The following TRIM50 variants were observed in gnomAD, a reference collection of about 807,000 sequenced individuals.
The protein encoded by TRIM50 is E3 ubiquitin-protein ligase TRIM50.
TRIM50 carries 34 observed loss-of-function variants against 44.9 expected under a neutral mutation model. The observed-to-expected ratio is 0.76, with a 90% CI of 0.58 to 1.01. The LOEUF is 1.01. Among genes scored for constraint, TRIM50 ranks in the 50% least tolerant of loss-of-function variants. The pLI is 0.00. For missense variants in TRIM50, 633 were observed against 663.7 expected, an observed-to-expected ratio of 0.95 and a Z score of 0.51; for synonymous variants, 307 against 291.1, an observed-to-expected ratio of 1.05 and a Z score of -0.56.
At chr7:73,327,559 AAAG>A (rs1804667740) in intron 1 of TRIM50, among the ~76,000 whole-genome samples, 1 of 152,208 alleles carries the variant, frequency 6.6e-6, no homozygotes, top group Non-Finnish European at 1.5e-5. Flanking sequence ...AGAGAAAGTG[AAAG>A]AAGGTGGAAG....
Position 73,312,670 on chromosome 7 carries a change from G to A in TRIM50, c.*251C>T. 1 of 503,460 alleles carries A rather than the reference G, an allele frequency of 2.0e-6. No homozygotes were observed. The highest frequency in any genetic ancestry group is 3.2e-5 in the East Asian group (1 of 31,286). 31.2% of individuals were successfully genotyped at this position (503,460 alleles called of 1,614,324 possible). A position where few individuals can be genotyped will look rare whatever the true frequency, so the allele number is the denominator to read the frequency against. ...GCGCAGATAGCATGGTTAGCAAGTG[G>A]CAGGAACCATGGGGATTTCAGTGTG... is the stretch of plus-strand genomic sequence containing the variant. On this transcript the variant is annotated 3_prime_UTR_variant, in exon 7 of 7. Coordinates refer to ENST00000333149, the MANE Select transcript of TRIM50 (RefSeq NM_178125.3).
At chr7:73,317,144 C>G (rs1413776761) in intron 5 of TRIM50, among the ~76,000 whole-genome samples, 1 of 151,794 alleles carries the variant, frequency 6.6e-6, no homozygotes, top group African/African-American at 2.4e-5. Flanking sequence ...GCCTCAACCC[C>G]CTGGGCTCAA....
In TRIM50 at chr7:73,313,115, C is replaced by T. The variant is rs147515596; in HGVS notation, c.1270G>A (p.Glu424Lys). The T allele has an allele frequency of 5.0e-6, 8 of 1,593,392 alleles. No individual in the cohort carries two copies. Among genetic ancestry groups the T allele is most frequent in the African/African-American group, 1.3e-5 (1 of 74,648 alleles). ...IGLYLHYEQGELTFFDADRPD... is the reference protein window; with the variant it reads ...IGLYLHYEQGKLTFFDADRPD... ...CGGTCGGCATCGAAGAAGGTGAGTT[C>T]GCCCTGCTCATAGTGCAGGTAGAGC... is the stretch of plus-strand genomic sequence containing the variant. The change falls in exon 7 of 7, where the codon GAA becomes AAA. Residue 424 changes from glutamate to lysine, a missense_variant. Transcript: ENST00000333149. This position sits in a 1 kb window ranked among gnomAD's most constrained non-coding sequence, Gnocchi z 4.9.
Position 73,313,690 on chromosome 7 carries a change from A to ATGAG in TRIM50, c.875-181_875-180insCTCA, listed in dbSNP as rs1804291939. Among the ~76,000 whole-genome samples, 1 of 152,100 alleles carries ATGAG rather than the reference A, an allele frequency of 6.6e-6. No individual in the cohort carries two copies. Among genetic ancestry groups the ATGAG allele is most frequent in the Non-Finnish European group, 1.5e-5 (1 of 67,998 alleles). ...GCTCCCTGAATGAATGAATGAATGA[A>ATGAG]TGAATGAATGAATGAATGAAGTTTT... is the stretch of plus-strand genomic sequence containing the variant. On this transcript the variant is annotated intron_variant, in intron 6 of 6. Coordinates refer to ENST00000333149, the MANE Select transcript of TRIM50 (RefSeq NM_178125.3). This position sits in a 1 kb window ranked among gnomAD's most constrained non-coding sequence, Gnocchi z 4.9.
Position 73,322,274 on chromosome 7 carries a change from G to A in TRIM50, c.400-2032C>T, listed in dbSNP as rs542457348. Among the ~76,000 whole-genome samples, 3 of 152,250 alleles carry A rather than the reference G, an allele frequency of 2.0e-5. No homozygotes were observed. The South Asian group carries it at 6.2e-4, about 32-fold the overall frequency. Reference sequence around the variant, plus strand: ...TGAGGCAGGAGAATGGCGTGAACCCGGGAGGCGGAGCTTGCAGTGAGCCGA... The same window carrying A: ...TGAGGCAGGAGAATGGCGTGAACCCAGGAGGCGGAGCTTGCAGTGAGCCGA... On this transcript the variant is annotated intron_variant, in intron 2 of 6. Coordinates refer to ENST00000333149, the MANE Select transcript of TRIM50 (RefSeq NM_178125.3).
rs1369203024 is a variant in TRIM50 at position 73,312,865 on chromosome 7, G to C, written c.*56C>G. 1 of 1,384,360 alleles carries C rather than the reference G, an allele frequency of 7.2e-7. No individual in the cohort carries two copies. Among genetic ancestry groups the C allele is most frequent in the Non-Finnish European group, 9.6e-7 (1 of 1,044,810 alleles). 85.8% of individuals were successfully genotyped at this position (1,384,360 alleles called of 1,614,324 possible). ...CAGGCGGGACCCAGCAGAAGCCCGC[G>C]AGTCCCCGGTGCCCCGCCGGGATGG... is the stretch of plus-strand genomic sequence containing the variant. On this transcript the variant is annotated 3_prime_UTR_variant, in exon 7 of 7. Coordinates refer to ENST00000333149, the MANE Select transcript of TRIM50 (RefSeq NM_178125.3).
At chr7:73,319,492 A>G (rs1804442619) in intron 3 of TRIM50, among the ~76,000 whole-genome samples, 1 of 152,098 alleles carries the variant, frequency 6.6e-6, no homozygotes, top group African/African-American at 2.4e-5. Context: ...TGCATATCCC[A>G]GAGTTCCACA....
chr7:73,324,930 G>T, intron 1 of TRIM50, 125 bp from the exon 2 acceptor site: 1 of 1,478,240 alleles, frequency 6.8e-7, no homozygotes, highest in Non-Finnish European at 9.0e-7. Context: ...CTGGATCCCA[G>T]TCCTAACCCA....
intron 1 of TRIM50, among the ~76,000 whole-genome samples, chr7:73,326,452 A>AT (rs1382448727): frequency 6.9e-6 from 1 of 144,914 alleles, no homozygotes. Flanking sequence ...ATTTACTTAG[A>AT]TTTTTTAAAT....
At chr7:73,314,964 C>CATCAAGGG in intron 6 of TRIM50, 1 of 308,732 alleles carries the variant, frequency 3.2e-6, no homozygotes, top group South Asian at 3.2e-5. Flanking sequence ...CTGACTGCAT[C>CATCAAGGG]ATCAAGGGGA....
chr7:73,318,879 G>C lies in TRIM50; in HGVS notation c.669C>G (p.Ala223=). The part of the protein sequence containing the change: ...EQAQGTRERL[A]QAECVLEQFG... ...ACTGTTCCAGCACACACTCGGCTTG[G>C]GCCAGCCGCTCCCGGGTTCCCTGGG... Residue 223 remains alanine, a synonymous_variant, in exon 4 of 7, where the codon GCC becomes GCG. Transcript: ENST00000333149. The C allele has an allele frequency of 6.2e-7, 1 of 1,613,960 alleles. No homozygotes were observed. Among genetic ancestry groups the C allele is most frequent in the Non-Finnish European group, 8.5e-7 (1 of 1,179,854 alleles).
intron 2 of TRIM50, among the ~76,000 whole-genome samples, chr7:73,322,808 G>C (rs1480909657): frequency 6.6e-6 from 1 of 152,106 alleles, no homozygotes; most frequent in Non-Finnish European, 1.5e-5. Context: ...CACCAAAGGG[G>C]ACTTCAGTGA....
intron 6 of TRIM50, among the ~76,000 whole-genome samples, chr7:73,315,810 T>C (rs1238225437): frequency 6.6e-6 from 1 of 152,202 alleles, no homozygotes; most frequent in Admixed American, 6.5e-5. Context: ...TCAAAAGTAA[T>C]TGCGGTTTTT....
intron 6 of TRIM50, chr7:73,314,670 G>A (rs1480630506): frequency 8.8e-6 from 2 of 227,150 alleles, no homozygotes; most frequent in African/African-American, 4.7e-5. Context: ...CCAACATAAT[G>A]AAAAACCCCG....
At chr7:73,322,120 C>G (rs1351645845) in intron 2 of TRIM50, 3 of 152,198 alleles carry the variant, frequency 2.0e-5, no homozygotes, top group East Asian at 1.9e-4. Context: ...GAGGCTGACG[C>G]GGGTGGATCA....
chr7:73,320,053 G>C, intron 3 of TRIM50, 94 bp downstream of exon 3: 1 of 1,598,372 alleles, frequency 6.3e-7, no homozygotes, highest in Non-Finnish European at 8.6e-7. Flanking sequence ...TATATGGAAG[G>C]CATGGTTTTC....
intron 3 of TRIM50, among the ~76,000 whole-genome samples, chr7:73,319,351 T>G (rs1212568563): frequency 6.6e-6 from 1 of 151,958 alleles, no homozygotes; most frequent in Non-Finnish European, 1.5e-5. Flanking sequence ...TGGAGCACAG[T>G]GGCATGATCA....
intron 3 of TRIM50, among the ~76,000 whole-genome samples, chr7:73,319,745 G>A (rs1804450380): frequency 6.6e-6 from 1 of 152,232 alleles, no homozygotes; most frequent in Non-Finnish European, 1.5e-5. Context: ...TCTCACTTCG[G>A]GAGATCAGCC....
chr7:73,315,642 G>A (rs544192589), intron 6 of TRIM50, among the ~76,000 whole-genome samples: 5 of 152,082 alleles, frequency 3.3e-5, no homozygotes, highest in South Asian at 2.1e-4. Flanking sequence ...GGCGTGAGCC[G>A]CCGTGCCCAG....
Sources: allele counts gnomAD v4.1 joint callset (sites outside exome capture counted in the v4.1 genomes callset), GRCh38; gene constraint gnomAD v4.1.1; non-coding constraint Gnocchi (gnomAD v3.1); transcripts MANE v1.5; gene names NCBI Gene and HGNC (gene_info 2026-07-23, HGNC 2026-07-21).